Variants in WWP2 observed in about 807,000 individuals in gnomAD.
The protein encoded by WWP2 is WW domain containing E3 ubiquitin protein ligase 2, also known as NEDD4-like E3 ubiquitin-protein ligase WWP2.
WWP2 carries 57 observed loss-of-function variants against 121.0 expected under a neutral mutation model. The ratio of observed to expected loss-of-function variants is 0.47; its 90% CI spans 0.38 to 0.59. The LOEUF is 0.59. Ranked by LOEUF, WWP2 falls within the 20% of genes least tolerant of loss-of-function variation. WWP2 has a pLI of 0.00. For synonymous variants in WWP2, 449 were observed against 441.3 expected (o/e 1.02, Z -0.22); for missense variants, 962 against 1,158.9 (o/e 0.83, Z 2.47).
At chr16:69,932,439 T>G (rs911515646) in intron 16 of WWP2, among the ~76,000 whole-genome samples, 5 of 152,218 alleles carry the variant, frequency 3.3e-5, no homozygotes, top group African/African-American at 1.2e-4. Context: ...AAGCCTTTAG[T>G]TACTGGGTCA....
At chr16:69,936,490 G>C in intron 19 of WWP2, 38 bp downstream of exon 19, 1 of 1,612,100 alleles carries the variant, frequency 6.2e-7, no homozygotes, top group African/African-American at 1.3e-5. Context: ...TCCAGGGGTG[G>C]CGTGGAGATC....
intron 6 of WWP2, 22 bp from the exon 7 acceptor site, chr16:69,871,782 G>C (rs1237815234): frequency 1.2e-6 from 2 of 1,613,650 alleles, no homozygotes; most frequent in Non-Finnish European, 1.7e-6. Context: ...ATGTCTGTCT[G>C]CTTTCTACTT....
At chr16:69,767,820 A>C (rs751600274) in intron 1 of WWP2, among the ~76,000 whole-genome samples, 4 of 151,920 alleles carry the variant, frequency 2.6e-5, no homozygotes, top group African/African-American at 4.8e-5. Flanking sequence ...TGGACTCTGA[A>C]ATTTCTTTTC....
chr16:69,828,218 C>T (rs1177926346), intron 4 of WWP2, among the ~76,000 whole-genome samples: 3 of 152,178 alleles, frequency 2.0e-5, no homozygotes, highest in African/African-American at 2.4e-5. Context: ...ATCCACCTTC[C>T]TTTCTTTCCC....
chr16:69,773,180 T>C (rs550181956), intron 1 of WWP2, among the ~76,000 whole-genome samples: 1 of 151,746 alleles, frequency 6.6e-6, no homozygotes, highest in South Asian at 2.1e-4. Context: ...CGATACACGT[T>C]GCTCCTTTTT....
intron 2 of WWP2, among the ~76,000 whole-genome samples, chr16:69,789,812 T>A (rs2055870880): frequency 6.6e-6 from 1 of 152,314 alleles, no homozygotes; most frequent in African/African-American, 2.4e-5. Flanking sequence ...CTTCTTTACT[T>A]ACGCATTTGA....
intron 8 of WWP2, among the ~76,000 whole-genome samples, chr16:69,889,104 A>G (rs957736653): frequency 1.3e-5 from 2 of 152,034 alleles, no homozygotes; most frequent in Non-Finnish European, 2.9e-5. Flanking sequence ...ACTTGAGGCC[A>G]GGAGTTTGAG....
At chr16:69,824,328 G>A (rs2056644840) in intron 4 of WWP2, among the ~76,000 whole-genome samples, 1 of 152,122 alleles carries the variant, frequency 6.6e-6, no homozygotes, top group African/African-American at 2.4e-5. Flanking sequence ...CCGTCAAAAG[G>A]GAAGGTAATC....
chr16:69,939,938 T>TG lies in WWP2; in HGVS notation c.2611_2612insG (p.Ter871=). ...IEETEGFGQE[*] ...GGAGACCGAGGGCTTTGGACAGGAGTAACCGAGGCCGCCCCTCCCACGCCC... is the reference window on the plus strand; with the variant it reads ...GGAGACCGAGGGCTTTGGACAGGAGTGAACCGAGGCCGCCCCTCCCACGCCC... Residue 871 remains the stop codon, a frameshift_variant and stop_retained_variant, in exon 24 of 24, where the codon TAA becomes TGAA. Coordinates refer to ENST00000359154, the MANE Select transcript of WWP2 (RefSeq NM_001270454.2). LOFTEE classifies it high-confidence loss of function. The TG allele has an allele frequency of 6.2e-7, 1 of 1,612,708 alleles. No individual in the cohort carries two copies. The highest frequency in any genetic ancestry group is 8.5e-7 in the Non-Finnish European group (1 of 1,179,476).
chr16:69,834,621 G>GTTTTTTTGAGACGGAGTTTCGCTCTT (rs1555551672), intron 4 of WWP2, among the ~76,000 whole-genome samples: 2 of 151,108 alleles, frequency 1.3e-5, no homozygotes, highest in Non-Finnish European at 2.9e-5. Flanking sequence ...CTGTTTTCCG[G>GTTTTTTTGAGACGGAGTTTCGCTCTT]GTTCAAGCGA....
intron 4 of WWP2, chr16:69,838,661 G>A (rs1227179746): frequency 2.1e-6 from 2 of 931,078 alleles, no homozygotes; most frequent in African/African-American, 1.8e-5. Flanking sequence ...GGTGGCTGGG[G>A]GTTGAAAGGC....
intron 6 of WWP2, among the ~76,000 whole-genome samples, chr16:69,866,980 G>A (rs1226758996): frequency 6.6e-6 from 1 of 152,102 alleles, no homozygotes; most frequent in African/African-American, 2.4e-5. Flanking sequence ...TGGGACTACA[G>A]ACATGCGCCA....
chr16:69,927,086 G>A (rs866990235), intron 11 of WWP2, among the ~76,000 whole-genome samples: 2 of 152,070 alleles, frequency 1.3e-5, no homozygotes, highest in Admixed American at 1.3e-4. Flanking sequence ...GGTCAGAGTC[G>A]ATACTGTTAA....
intron 6 of WWP2, among the ~76,000 whole-genome samples, chr16:69,851,649 G>A (rs1481032004): frequency 1.3e-5 from 2 of 152,086 alleles, no homozygotes; most frequent in African/African-American, 4.8e-5. Context: ...TAATAAAGCT[G>A]CCATAAACAT....
chr16:69,833,222 T>A (rs2056822201), intron 4 of WWP2, among the ~76,000 whole-genome samples: 1 of 152,242 alleles, frequency 6.6e-6, no homozygotes, highest in South Asian at 2.1e-4. Context: ...TTTCAGTCTC[T>A]CTTAACTTAG....
chr16:69,918,290 CAA>C (rs906835623), intron 10 of WWP2, among the ~76,000 whole-genome samples: 6 of 151,948 alleles, frequency 3.9e-5, no homozygotes, highest in African/African-American at 1.2e-4. Flanking sequence ...AAAACAAAAA[CAA>C]AAACAAAAAC....
chr16:69,788,100 T>G (rs889112033), intron 2 of WWP2: 4 of 152,160 alleles, frequency 2.6e-5, no homozygotes, highest in African/African-American at 9.7e-5. Flanking sequence ...TGGTGACTCA[T>G]GCCTGTAATA....
chr16:69,851,983 T>TAAAACAAAACAAAACAAAACAAAAC (rs58923591), intron 6 of WWP2, among the ~76,000 whole-genome samples: 68 of 150,432 alleles, frequency 4.5e-4, no homozygotes, highest in South Asian at 1.1e-3. Flanking sequence ...AGATTCCAGC[T>TAAAACAAAACAAAACAAAACAAAAC]AAAACAAAAC....
At chr16:69,848,950 T>C (rs553880122) in intron 6 of WWP2, among the ~76,000 whole-genome samples, 1 of 152,362 alleles carries the variant, frequency 6.6e-6, no homozygotes, top group South Asian at 2.1e-4. Flanking sequence ...TCCTTTACTC[T>C]TCTTTTTTTG....
Sources: allele counts gnomAD v4.1 joint callset (sites outside exome capture counted in the v4.1 genomes callset), GRCh38; gene constraint gnomAD v4.1.1; transcripts MANE v1.5; gene names NCBI Gene and HGNC (gene_info 2026-07-23, HGNC 2026-07-21).